The following TACR3 variants were observed in gnomAD, a reference collection of about 807,000 sequenced individuals.
TACR3 encodes the protein tachykinin receptor 3, also known as neuromedin-K receptor.
In TACR3, 34 loss-of-function variants were observed where a neutral mutation model predicts 35.0. The ratio of observed to expected loss-of-function variants is 0.97; its 90% CI spans 0.74 to 1.30. The LOEUF is 1.30. TACR3 is among the 50% of genes most tolerant of loss of function. The pLI is 0.00. For synonymous variants in TACR3, 233 were observed against 221.1 expected, an observed-to-expected ratio of 1.05 and a Z score of -0.48; for missense variants, 558 against 591.7, an observed-to-expected ratio of 0.94 and a Z score of 0.59.
intron 3 of TACR3, among the ~76,000 whole-genome samples, chr4:103,611,662 T>TTA (rs1333737381): frequency 1.3e-5 from 2 of 152,036 alleles, no homozygotes; most frequent in South Asian, 2.1e-4. Context: ...TCCTTTTTTT[T>TTA]AACACAGACA....
chr4:103,629,855 AAAAAAC>A (rs1439761817), intron 3 of TACR3, among the ~76,000 whole-genome samples: 38 of 116,766 alleles, frequency 3.3e-4, no homozygotes, highest in African/African-American at 1.2e-3. Context: ...CAAAACAAAA[AAAAAAC>A]AAAAAAAAAA....
chr4:103,671,636 C>T (rs1328505228), intron 1 of TACR3, among the ~76,000 whole-genome samples: 1 of 151,926 alleles, frequency 6.6e-6, no homozygotes, highest in Non-Finnish European at 1.5e-5. Flanking sequence ...ATTGTAATAT[C>T]TAATTTTTCA....
At position 103,587,248 on chromosome 4, in the gene TACR3, A is replaced by G. The variant is rs556128404; in HGVS notation, c.*2434T>C. 5 of 151,638 alleles carry G rather than the reference A, an allele frequency of 3.3e-5. No individual in the cohort carries two copies. Among genetic ancestry groups the G allele is most frequent in the African/African-American group, 1.2e-4 (5 of 41,034 alleles). The allele number at this position is 151,638 out of a possible 1,614,324, so 9.4% of individuals were successfully genotyped here. A position where few individuals can be genotyped will look rare whatever the true frequency, so the allele number is the denominator to read the frequency against. The stretch of plus-strand genomic sequence containing the variant: ...AAAAGAGTGAAAAATCTTCTCTTTT[A>G]TATTTCACTCTTGTTTTATTATTGT... On this transcript the variant is annotated 3_prime_UTR_variant, in exon 5 of 5. Coordinates refer to ENST00000304883, the MANE Select transcript of TACR3 (RefSeq NM_001059.3).
chr4:103,680,937 A>G (rs919249364), intron 1 of TACR3, among the ~76,000 whole-genome samples: 6 of 151,870 alleles, frequency 4.0e-5, no homozygotes, highest in African/African-American at 1.4e-4. Flanking sequence ...TAATTATAGG[A>G]GTAGTTTTAT....
In TACR3 at chr4:103,715,053, C is replaced by T. The variant is rs146495596; in HGVS notation, c.548+4075G>A. 7.2e-4 allele frequency among the ~76,000 whole-genome samples: 110 copies of T among 152,226 alleles called. No homozygotes were observed. The East Asian group carries it at 0.017, about 24-fold the overall frequency. On this transcript the variant is annotated intron_variant, in intron 1 of 4. Transcript: ENST00000304883. ...ACTATTCTTACACAGTTTTGTTGAA[C>T]GCTCCTTTTAATAATTATTCATGTA...
At chr4:103,688,862 C>G (rs1722321931) in intron 1 of TACR3, among the ~76,000 whole-genome samples, 1 of 152,074 alleles carries the variant, frequency 6.6e-6, no homozygotes, top group Admixed American at 6.6e-5. Context: ...GGATCTAGAA[C>G]TAGAAATACC....
rs767694452 is a variant in TACR3 at position 103,719,444 on chromosome 4, A to G, written c.232T>C (p.Phe78Leu). The stretch of plus-strand genomic sequence containing the variant: ...GCGATGCGCCAGGACGGCTGCACGA[A>G]CTGGTTGGTGAGGTTGGCCCAGGGC... ...SQPWANLTNQ[F>L]VQPSWRIALW... is the part of the protein sequence containing the mutation. Residue 78 changes from phenylalanine to leucine, a missense_variant, in exon 1 of 5, where the codon TTC (phenylalanine) becomes CTC (leucine). Coordinates refer to ENST00000304883, the MANE Select transcript of TACR3 (RefSeq NM_001059.3). The G allele has an allele frequency of 6.2e-6, 10 of 1,614,268 alleles. No individual in the cohort carries two copies. The highest frequency in any genetic ancestry group is 8.5e-6 in the Non-Finnish European group (10 of 1,180,040).
intron 1 of TACR3, among the ~76,000 whole-genome samples, chr4:103,709,261 G>C (rs1403458068): frequency 1.3e-5 from 2 of 152,146 alleles, no homozygotes; most frequent in Non-Finnish European, 2.9e-5. Context: ...AGAGAGAAAG[G>C]TCGGGTTACC....
Position 103,691,325 on chromosome 4 carries a change from C to A in TACR3, c.548+27803G>T, listed in dbSNP as rs933959496. ...TGGGTAATCTCAGAGATGTTGTGGT[C>A]AGTGAAAGTAGTAGCCAGTCTTAAA... On this transcript the variant is annotated intron_variant, in intron 1 of 4. Coordinates refer to ENST00000304883, the MANE Select transcript of TACR3 (RefSeq NM_001059.3). Among the ~76,000 whole-genome samples the A allele has an allele frequency of 1.4e-4, 21 of 152,216 alleles. 1 individual carries two copies. Among genetic ancestry groups the A allele is most frequent in the African/African-American group, 5.1e-4 (21 of 41,544 alleles).
chr4:103,638,422 C>T (rs1373139064), intron 3 of TACR3, among the ~76,000 whole-genome samples: 2 of 151,884 alleles, frequency 1.3e-5, no homozygotes, highest in Admixed American at 6.6e-5. Flanking sequence ...TTCCTTACAC[C>T]TTATACAAAA....
chr4:103,686,892 T>G (rs956361119), intron 1 of TACR3, among the ~76,000 whole-genome samples: 51 of 152,256 alleles, frequency 3.3e-4, no homozygotes, highest in African/African-American at 1.2e-3. Flanking sequence ...CCTAACTCAT[T>G]TTATGAGGCC....
intron 3 of TACR3, among the ~76,000 whole-genome samples, chr4:103,602,716 C>T (rs1358860397): frequency 1.3e-5 from 2 of 152,194 alleles, no homozygotes; most frequent in African/African-American, 2.4e-5. Context: ...TATTGGTGAA[C>T]CGCAGATGCT....
intron 3 of TACR3, among the ~76,000 whole-genome samples, chr4:103,610,279 C>T (rs1453839339): frequency 1.3e-5 from 2 of 152,070 alleles, no homozygotes; most frequent in African/African-American, 4.8e-5. Context: ...CCTTTGCCAG[C>T]ATTTGTTATT....
At chr4:103,603,806 CTAT>C (rs892065404) in intron 3 of TACR3, among the ~76,000 whole-genome samples, 39 of 152,274 alleles carry the variant, frequency 2.6e-4, no homozygotes, top group African/African-American at 9.4e-4. Flanking sequence ...GAAAGCATTC[CTAT>C]TTCTCCACAT....
At chr4:103,691,821 C>G (rs1293303431) in intron 1 of TACR3, among the ~76,000 whole-genome samples, 1 of 152,202 alleles carries the variant, frequency 6.6e-6, no homozygotes, top group Admixed American at 6.5e-5. Flanking sequence ...CTACAGTTAA[C>G]TAGCCCAACC....
intron 3 of TACR3, among the ~76,000 whole-genome samples, chr4:103,601,057 A>T (rs142914903): frequency 6.6e-6 from 1 of 151,902 alleles, no homozygotes; most frequent in Non-Finnish European, 1.5e-5. Flanking sequence ...TGACAGTGGG[A>T]TGTTAAAGTC....
chr4:103,676,448 A>C (rs1374893314), intron 1 of TACR3, among the ~76,000 whole-genome samples: 1 of 152,206 alleles, frequency 6.6e-6, no homozygotes, highest in Non-Finnish European at 1.5e-5. Context: ...ATTAAATATA[A>C]TAGTGAAATT....
In TACR3 at chr4:103,589,806, C is replaced by T. The variant is rs202051644; in HGVS notation, c.1274G>A (p.Arg425Gln). 4.0e-5 allele frequency: 64 copies of T among 1,613,834 alleles called. No homozygotes were observed. The highest frequency in any genetic ancestry group is 3.3e-4 in the Middle Eastern group (2 of 6,082). ...PNDADTTRSS[R>Q]KKRATPRDPS... ...GTCTCTTGGCGTTGCTCTTTTCTTC[C>T]GACTGGACCTGGTGGTGTCTGCATC... Residue 425 changes from arginine (R) to glutamine (Q), a missense_variant, in exon 5 of 5, where the codon CGG becomes CAG. Transcript: ENST00000304883.
chr4:103,598,944 T>C (rs1326056773), intron 3 of TACR3, among the ~76,000 whole-genome samples: 4 of 152,186 alleles, frequency 2.6e-5, no homozygotes, highest in Non-Finnish European at 4.4e-5. Flanking sequence ...CAGGCTCTTT[T>C]TTGGTTCCAT....
Sources: allele counts gnomAD v4.1 joint callset (sites outside exome capture counted in the v4.1 genomes callset), GRCh38; gene constraint gnomAD v4.1.1; transcripts MANE v1.5; gene names NCBI Gene and HGNC (gene_info 2026-07-23, HGNC 2026-07-21).